PHEX: variants seen among roughly 807,000 people sequenced by gnomAD.
PHEX encodes phosphate-regulating neutral endopeptidase PHEX.
A neutral mutation model predicts 68.0 loss-of-function variants in PHEX; 16 were observed. That is an observed-to-expected ratio of 0.24 (90% confidence interval 0.16 to 0.36). The LOEUF (loss-of-function observed/expected upper bound fraction) is 0.36, where lower values mean the gene tolerates loss of function less well. Among genes scored for constraint, PHEX ranks in the 10% least tolerant of loss-of-function variants. The probability of loss-of-function intolerance (pLI) is 1.00; values close to 1 mark genes in which losing one functional copy is unlikely to be tolerated. For missense variants in PHEX, 480 were observed against 575.5 expected (o/e 0.83, Z 1.70); for synonymous variants, 208 against 205.1 (o/e 1.01, Z -0.12).
At chrX:22,052,200 T>C (rs1927865875) in intron 3 of PHEX, among the ~76,000 whole-genome samples, 1 of 112,346 alleles carries the variant, frequency 8.9e-6, no homozygotes, top group Non-Finnish European at 1.9e-5. Context: ...TTCTAAGGGA[T>C]CATATAATAC....
rs1387060468 is a variant in PHEX, at chrX:22,096,855, CTT to C, written c.850-98_850-97del. The C allele has an allele frequency of 1.4e-5, 9 of 656,086 alleles. No homozygotes were observed. In the South Asian group the frequency reaches 1.9e-4, roughly 14 times the overall value. The allele number at this position is 656,086 out of a possible 1,213,427, so 54.1% of individuals were successfully genotyped here. A position where few individuals can be genotyped will look rare whatever the true frequency, so the allele number is the denominator to read the frequency against. ...GGGACCACACCAAAGCCTTGAAAAACTTTATAATACTATGCAGATGTTTTGGC... is the reference window on the plus strand; with the variant it reads ...GGGACCACACCAAAGCCTTGAAAAACTATAATACTATGCAGATGTTTTGGC... On this transcript the variant is annotated intron_variant, in intron 7 of 21. Coordinates refer to ENST00000379374, the MANE Select transcript of PHEX (RefSeq NM_000444.6).
chrX:22,153,853 G>C (rs747966185), intron 12 of PHEX, among the ~76,000 whole-genome samples: 10 of 111,961 alleles, frequency 8.9e-5, no homozygotes, highest in Admixed American at 2.9e-4. Context: ...AACTGTAATT[G>C]TATTAACATG....
intron 12 of PHEX, among the ~76,000 whole-genome samples, chrX:22,166,218 C>A (rs941152315): frequency 6.2e-5 from 7 of 112,068 alleles, no homozygotes; most frequent in African/African-American, 2.3e-4. Flanking sequence ...GGCCATCTTT[C>A]ACAATGTTGC....
chrX:22,179,231 T>TC (rs1171952858), intron 14 of PHEX, among the ~76,000 whole-genome samples: 1 of 110,914 alleles, frequency 9.0e-6, no homozygotes, highest in Non-Finnish European at 1.9e-5. Flanking sequence ...TGCTTTTTTT[T>TC]CTCTCTGTTC....
rs556410356 is a variant in PHEX, at chrX:22,041,265, C to CTATATA, written c.187+2760_187+2765dup. On this transcript the variant is annotated intron_variant, in intron 2 of 21. Transcript: ENST00000379374. ...GATCTCTCTCTCTCTCTCTCTCTCT[C>CTATATA]TATATATATATATATATATATATAT... Among the ~76,000 whole-genome samples, 206 of 72,769 alleles carry CTATATA rather than the reference C, an allele frequency of 2.8e-3. 1 individual carries two copies. Among genetic ancestry groups the CTATATA allele is most frequent in the Non-Finnish European group, 4.1e-3 (171 of 41,270 alleles). The allele number at this position is 72,769 out of a possible 115,157, so 63.2% of individuals were successfully genotyped here. A position where few individuals can be genotyped will look rare whatever the true frequency, so the allele number is the denominator to read the frequency against.
chrX:22,093,363 G>A (rs2147039290), intron 6 of PHEX, among the ~76,000 whole-genome samples: 1 of 112,124 alleles, frequency 8.9e-6, no homozygotes, highest in East Asian at 2.8e-4. Context: ...TTATGAGTAT[G>A]TAAGAAGGAA....
At chrX:22,080,731 A>C (rs1602277008) in intron 5 of PHEX, among the ~76,000 whole-genome samples, 2 of 68,120 alleles carry the variant, frequency 2.9e-5, no homozygotes, top group East Asian at 6.3e-4. Flanking sequence ...AAAAACAAAC[A>C]AAAAAAATAA....
intron 20 of PHEX, among the ~76,000 whole-genome samples, chrX:22,238,393 T>C (rs192422662): frequency 3.6e-5 from 4 of 111,449 alleles, no homozygotes; most frequent in African/African-American, 1.3e-4. Context: ...GGAGGAACAG[T>C]GCACTCCAGC....
intron 12 of PHEX, among the ~76,000 whole-genome samples, chrX:22,139,009 T>C: frequency 8.9e-6 from 1 of 112,030 alleles, no homozygotes; most frequent in Non-Finnish European, 1.9e-5. Context: ...AAGTATGGTA[T>C]AGAGGTCAGG....
intron 9 of PHEX, among the ~76,000 whole-genome samples, chrX:22,103,654 G>A (rs1172147354): frequency 8.9e-6 from 1 of 112,262 alleles, no homozygotes; most frequent in East Asian, 2.8e-4. Context: ...TTATGGCTGA[G>A]TAGTATTCCA....
intron 9 of PHEX, among the ~76,000 whole-genome samples, chrX:22,110,226 G>T (rs943131698): frequency 8.9e-6 from 1 of 111,897 alleles, no homozygotes; most frequent in Non-Finnish European, 1.9e-5. Context: ...TTTTACCATA[G>T]GCTAATTGAT....
At position 22,167,508 on chromosome X, in the gene PHEX, T is replaced by C. The variant is rs79101680; in HGVS notation, c.1405-804T>C. Among the ~76,000 whole-genome samples the C allele has an allele frequency of 1.2e-3, 123 of 98,553 alleles. 3 individuals carry two copies. The East Asian group carries it at 0.033, about 27-fold the overall frequency. 85.6% of individuals were successfully genotyped at this position (98,553 alleles called of 115,157 possible). ...TTTAATTTCTTTTTTTTTTTTTTTT[T>C]GGAGACAGGGTCTTGTTCTGTCACC... is the stretch of plus-strand genomic sequence containing the variant. On this transcript the variant is annotated intron_variant, in intron 12 of 21. Coordinates refer to ENST00000379374, the MANE Select transcript of PHEX (RefSeq NM_000444.6).
intron 12 of PHEX, among the ~76,000 whole-genome samples, chrX:22,140,961 G>C (rs1474495631): frequency 9.3e-6 from 1 of 107,937 alleles, no homozygotes; most frequent in East Asian, 2.9e-4. Flanking sequence ...GAAGCACAGA[G>C]AGTGTGAGCA....
At chrX:22,110,018 C>G (rs1384063119) in intron 9 of PHEX, among the ~76,000 whole-genome samples, 4 of 111,863 alleles carry the variant, frequency 3.6e-5, no homozygotes, top group African/African-American at 1.3e-4. Context: ...CTTGTCGAAA[C>G]TCACATATTT....
chrX:22,178,424 A>G, intron 14 of PHEX, 48 bp downstream of exon 14: 1 of 778,595 alleles, frequency 1.3e-6, no homozygotes, highest in Non-Finnish European at 1.9e-6. Flanking sequence ...ATTGGTGAGA[A>G]GCGGAGTCTC....
At chrX:22,224,962 C>CTGTATGATTTATTATCATACAGCGA (rs1935410853) in intron 18 of PHEX, among the ~76,000 whole-genome samples, 1 of 113,512 alleles carries the variant, frequency 8.8e-6, no homozygotes, top group Non-Finnish European at 1.9e-5. Context: ...TCATACAGCG[C>CTGTATGATTTATTATCATACAGCGA]TGTATGATTT....
At chrX:22,203,638 C>G (rs1431889996) in intron 15 of PHEX, among the ~76,000 whole-genome samples, 3 of 111,352 alleles carry the variant, frequency 2.7e-5, no homozygotes, top group Non-Finnish European at 5.6e-5. Flanking sequence ...TCGGGCTTAT[C>G]TGATTACAAG....
At chrX:22,041,300 TA>T (rs1179193354) in intron 2 of PHEX, among the ~76,000 whole-genome samples, 2 of 95,796 alleles carry the variant, frequency 2.1e-5, no homozygotes, top group African/African-American at 7.8e-5. Context: ...TATATATATA[TA>T]TTTTAACCAG....
chrX:22,186,072 G>A (rs1416607945), intron 14 of PHEX, among the ~76,000 whole-genome samples: 1 of 111,573 alleles, frequency 9.0e-6, no homozygotes, highest in Non-Finnish European at 1.9e-5. Flanking sequence ...GGTCTTTCAT[G>A]TAGTTACAGT....
Sources: gnomAD v4.1 joint callset for allele counts (sites outside exome capture counted in the v4.1 genomes callset) on GRCh38, gnomAD v4.1.1 for gene constraint, MANE v1.5 for transcripts, NCBI Gene and HGNC (gene_info 2026-07-23, HGNC 2026-07-21) for gene names.